The following DNM3 variants were observed in gnomAD, a reference collection of about 807,000 sequenced individuals.
The protein encoded by DNM3 is dynamin 3.
Under a neutral mutation model 101.6 loss-of-function variants are expected in DNM3, and 47 were observed. That is an observed-to-expected ratio of 0.46 (90% CI 0.37 to 0.59). DNM3 has a LOEUF of 0.59. Among genes scored for constraint, DNM3 ranks in the 20% least tolerant of loss-of-function variants. DNM3 has a pLI of 0.00. For synonymous variants in DNM3, 385 were observed against 387.9 expected (o/e 0.99, Z 0.09); for missense variants, 849 against 1,085.7 (o/e 0.78, Z 3.06).
intron 11 of DNM3, among the ~76,000 whole-genome samples, chr1:172,069,545 A>T (rs1262434293): frequency 1.3e-5 from 2 of 152,214 alleles, no homozygotes; most frequent in African/African-American, 4.8e-5. Flanking sequence ...TAATTCATTT[A>T]AAAAAGTAAA....
rs771360366 is a variant in DNM3, at chr1:171,987,770, C to T, written c.350C>T (p.Ser117Phe). The T allele has an allele frequency of 1.9e-6, 3 of 1,586,624 alleles. No homozygotes were observed. The highest frequency in any genetic ancestry group is 2.6e-6 in the Non-Finnish European group (3 of 1,170,202). The change falls in exon 3 of 21, where the codon TCC becomes TTC. Residue 117 changes from serine (S) to phenylalanine (F), a missense_variant. This residue lies in a region of DNM3 where 388 missense variants were observed against 483.0 expected (regional missense o/e 0.80). Coordinates refer to ENST00000627582, the MANE Select transcript of DNM3 (RefSeq NM_015569.5). ...RVTGMNKGIS[S>F]IPINLRVYSP... is the part of the protein sequence containing the mutation. ...ACTGGAATGAATAAAGGCATTTCCT[C>T]CATACCCATTAATTTACGAGTCTAT...
At chr1:172,129,743 A>G (rs1432800452) in intron 13 of DNM3, among the ~76,000 whole-genome samples, 1 of 152,120 alleles carries the variant, frequency 6.6e-6, no homozygotes, top group Non-Finnish European at 1.5e-5. Flanking sequence ...TCCTCCCATG[A>G]CACATGGGAA....
At chr1:172,039,537 A>C (rs2049216677) in intron 7 of DNM3, among the ~76,000 whole-genome samples, 1 of 151,836 alleles carries the variant, frequency 6.6e-6, no homozygotes, top group Admixed American at 6.6e-5. Flanking sequence ...CTCTTGCAAA[A>C]ACTCTTCAAG....
intron 17 of DNM3, among the ~76,000 whole-genome samples, chr1:172,330,828 A>G (rs938384232): frequency 3.3e-4 from 50 of 152,200 alleles, no homozygotes; most frequent in African/African-American, 1.2e-3. Context: ...AAGAAAATAG[A>G]TTAACTTTTA....
intron 14 of DNM3, among the ~76,000 whole-genome samples, chr1:172,209,236 G>A (rs2060428266): frequency 6.6e-6 from 1 of 151,974 alleles, no homozygotes. Flanking sequence ...TGAGGGCACA[G>A]CAAGAAGGTA....
chr1:172,379,936 A>AGG (rs1226380956), intron 18 of DNM3, among the ~76,000 whole-genome samples: 3 of 152,032 alleles, frequency 2.0e-5, no homozygotes, highest in African/African-American at 7.2e-5. Context: ...GGTGTTTTAT[A>AGG]GGGGGCTTTT....
intron 13 of DNM3, among the ~76,000 whole-genome samples, chr1:172,119,833 G>A (rs1260393109): frequency 6.6e-6 from 1 of 151,990 alleles, no homozygotes; most frequent in Admixed American, 6.6e-5. Flanking sequence ...GTAGACCTCG[G>A]GAGTCATCTT....
intron 6 of DNM3, among the ~76,000 whole-genome samples, chr1:172,036,877 A>C (rs2049007910): frequency 6.6e-6 from 1 of 151,768 alleles, no homozygotes; most frequent in Non-Finnish European, 1.5e-5. Flanking sequence ...AATGGGAGAA[A>C]ATTTTCGCAA....
chr1:172,198,687 A>G (rs2060043254), intron 14 of DNM3, among the ~76,000 whole-genome samples: 1 of 152,048 alleles, frequency 6.6e-6, no homozygotes, highest in Non-Finnish European at 1.5e-5. Context: ...TAGGTTTCCT[A>G]GTTTTTGTGC....
In DNM3 at chr1:172,038,276, T is replaced by C. The variant is rs1338586119; in HGVS notation, c.850-43T>C. The C allele has an allele frequency of 1.9e-6, 3 of 1,609,978 alleles. No homozygotes were observed. The South Asian group carries it at 3.3e-5, about 18-fold the overall frequency. On this transcript the variant is annotated intron_variant, in intron 6 of 20. Transcript: ENST00000627582. ...TGAGTTAATCTTTAATCTGTGTATATGATTCAATCTTCAATCTGTGTGTAT... is the reference window on the plus strand; with the variant it reads ...TGAGTTAATCTTTAATCTGTGTATACGATTCAATCTTCAATCTGTGTGTAT...
intron 18 of DNM3, among the ~76,000 whole-genome samples, chr1:172,380,040 AC>A (rs1200818181): frequency 2.0e-5 from 3 of 152,026 alleles, no homozygotes; most frequent in African/African-American, 7.2e-5. Flanking sequence ...TATGAGCATT[AC>A]TTGTAAGAAA....
chr1:171,882,343 C>CAA (rs3051601), intron 1 of DNM3, among the ~76,000 whole-genome samples: 11,564 of 110,362 alleles, frequency 0.1, 1,168 homozygotes, highest in South Asian at 0.26. Context: ...AACTCCGTCT[C>CAA]AAAAAAAAAA....
In DNM3 at chr1:172,068,784, T is replaced by A. The variant is rs1385429037; in HGVS notation, c.1336-35T>A. The A allele has an allele frequency of 2.0e-6, 3 of 1,519,194 alleles. No homozygotes were observed. In the East Asian group the frequency reaches 7.3e-5, roughly 37 times the overall value. The allele number at this position is 1,519,194 out of a possible 1,614,324, so 94.1% of individuals were successfully genotyped here. ...CTTCTTTTTTGGTAGTGTAACTTTTTGAGTATTAATACTCAGATCTGCTTT... is the reference window on the plus strand; with the variant it reads ...CTTCTTTTTTGGTAGTGTAACTTTTAGAGTATTAATACTCAGATCTGCTTT... On this transcript the variant is annotated intron_variant, in intron 10 of 20. Coordinates refer to ENST00000627582, the MANE Select transcript of DNM3 (RefSeq NM_015569.5).
intron 17 of DNM3, among the ~76,000 whole-genome samples, chr1:172,343,726 T>C (rs1428505034): frequency 6.6e-6 from 1 of 152,230 alleles, no homozygotes; most frequent in Non-Finnish European, 1.5e-5. Flanking sequence ...ATACAAAATA[T>C]TCTGTAAAAT....
chr1:172,022,506 A>C (rs765121229), intron 4 of DNM3, among the ~76,000 whole-genome samples: 18 of 152,106 alleles, frequency 1.2e-4, no homozygotes, highest in Non-Finnish European at 2.2e-4. Context: ...CTTTTCAGAT[A>C]TAAGGGAGTA....
At chr1:172,292,627 G>GCA (rs1557943444) in intron 15 of DNM3, among the ~76,000 whole-genome samples, 1 of 107,666 alleles carries the variant, frequency 9.3e-6, no homozygotes, top group African/African-American at 2.8e-5. Flanking sequence ...ACACACACGC[G>GCA]CGTGCGTATA....
chr1:171,930,300 A>C (rs1327321492), intron 2 of DNM3, among the ~76,000 whole-genome samples: 1 of 152,156 alleles, frequency 6.6e-6, no homozygotes, highest in Non-Finnish European at 1.5e-5. Flanking sequence ...TGGATTTCCA[A>C]GCCAGTGGGT....
At chr1:172,071,091 A>G (rs1477276045) in intron 11 of DNM3, among the ~76,000 whole-genome samples, 1 of 86,780 alleles carries the variant, frequency 1.2e-5, no homozygotes, top group African/African-American at 4.6e-5. Flanking sequence ...CCCTGCATAT[A>G]TATATATATA....
chr1:171,895,676 C>T (rs1349667060), intron 1 of DNM3, among the ~76,000 whole-genome samples: 1 of 152,032 alleles, frequency 6.6e-6, no homozygotes, highest in Non-Finnish European at 1.5e-5. Context: ...GCTTTTGTTG[C>T]CATTGCTTTT....
Sources: allele counts gnomAD v4.1 joint callset (sites outside exome capture counted in the v4.1 genomes callset), GRCh38; gene constraint gnomAD v4.1.1; regional missense constraint gnomAD v4.1.1; transcripts MANE v1.5; gene names NCBI Gene and HGNC (gene_info 2026-07-23, HGNC 2026-07-21).